PCSK6: variants seen among roughly 807,000 people sequenced by gnomAD.
The protein encoded by PCSK6 is proprotein convertase subtilisin/kexin type 6.
PCSK6 carries 85 observed loss-of-function variants against 123.3 expected under a neutral mutation model. The observed-to-expected ratio is 0.69, with a 90% confidence interval of 0.58 to 0.83. The LOEUF is 0.83. Among genes scored for constraint, PCSK6 ranks in the 40% least tolerant of loss-of-function variants. The pLI, the probability that PCSK6 is intolerant of heterozygous loss-of-function variation, is 0.00. For synonymous variants in PCSK6, 508 were observed against 516.0 expected (o/e 0.98, Z 0.21); for missense variants, 1,191 against 1,282.3 (o/e 0.93, Z 1.09).
intron 1 of PCSK6, among the ~76,000 whole-genome samples, chr15:101,449,145 G>A (rs2056968276): frequency 6.6e-6 from 1 of 152,142 alleles, no homozygotes; most frequent in Admixed American, 6.5e-5. Flanking sequence ...AGATGCTCAA[G>A]TCCCTGATAT....
At chr15:101,381,242 TA>T (rs1288808660) in intron 11 of PCSK6, among the ~76,000 whole-genome samples, 1 of 152,048 alleles carries the variant, frequency 6.6e-6, no homozygotes, top group African/African-American at 2.4e-5. Context: ...TGGGTGCCTA[TA>T]ATCCCAGCTA....
chr15:101,449,875 C>G (rs1393539461), intron 1 of PCSK6, among the ~76,000 whole-genome samples: 1 of 152,138 alleles, frequency 6.6e-6, no homozygotes, highest in Non-Finnish European at 1.5e-5. Flanking sequence ...GAGCCTCTCC[C>G]GCCTAAGGGG....
At chr15:101,429,866 G>T in intron 5 of PCSK6, 121 bp downstream of exon 5, 2 of 805,872 alleles carry the variant, frequency 2.5e-6, no homozygotes, top group Non-Finnish European at 4.1e-6. Context: ...AGCCTGCCTC[G>T]CGCCCAGGCA....
chr15:101,461,528 C>G lies in PCSK6; in HGVS notation c.298-17868G>C, dbSNP rs539640517. ...AGAATACTTTAATCCTAAAAACAGA[C>G]AAGAACAGTATAAGAAAGGGAAACT... On this transcript the variant is annotated intron_variant, in intron 1 of 21. Coordinates refer to ENST00000611716, the MANE Select transcript of PCSK6 (RefSeq NM_002570.5). Among the ~76,000 whole-genome samples, 3 of 152,190 alleles carry G rather than the reference C, an allele frequency of 2.0e-5. No individual in the cohort carries two copies. In the South Asian group the frequency reaches 6.2e-4, roughly 32 times the overall value.
intron 1 of PCSK6, among the ~76,000 whole-genome samples, chr15:101,466,798 C>A (rs937291478): frequency 6.6e-6 from 1 of 152,054 alleles, no homozygotes; most frequent in Admixed American, 6.5e-5. Flanking sequence ...CCAGAATAGG[C>A]AAATCTAGAG....
chr15:101,468,102 G>A (rs1331019930), intron 1 of PCSK6, among the ~76,000 whole-genome samples: 1 of 152,218 alleles, frequency 6.6e-6, no homozygotes, highest in Non-Finnish European at 1.5e-5. Flanking sequence ...TGTGGTGTCA[G>A]CTCTGGCTCT....
intron 11 of PCSK6, among the ~76,000 whole-genome samples, chr15:101,371,885 T>C (rs1168799237): frequency 3.3e-5 from 5 of 152,200 alleles, no homozygotes; most frequent in Admixed American, 2.6e-4. Flanking sequence ...TTTCCTGCCC[T>C]GTCATGGAAA....
At chr15:101,384,958 C>T (rs2042017314) in intron 9 of PCSK6, among the ~76,000 whole-genome samples, 1 of 152,174 alleles carries the variant, frequency 6.6e-6, no homozygotes, top group Non-Finnish European at 1.5e-5. Context: ...ATACAACATG[C>T]CACTAATGTA....
At chr15:101,322,715 TCC>T in intron 17 of PCSK6, 108 bp from the exon 18 acceptor site, 1 of 698,198 alleles carries the variant, frequency 1.4e-6, no homozygotes, top group Middle Eastern at 2.4e-4. Flanking sequence ...GGTGGGCTGT[TCC>T]CCGAGTCCAC....
rs2056978275 is a variant in PCSK6, at chr15:101,449,491, CTCT to C, written c.298-5834_298-5832del. ...TTATGTAAGGTTCATAAACAAATGA[CTCT>C]GAAACATACCAGGTAGGTCCTTGGT... On this transcript the variant is annotated intron_variant, in intron 1 of 21. Transcript: ENST00000611716. Among the ~76,000 whole-genome samples the C allele has an allele frequency of 2.0e-5, 3 of 152,162 alleles. No individual in the cohort carries two copies. In the South Asian group the frequency reaches 6.2e-4, roughly 32 times the overall value.
chr15:101,485,577 G>A (rs575685930), intron 1 of PCSK6, among the ~76,000 whole-genome samples: 1 of 152,286 alleles, frequency 6.6e-6, no homozygotes, highest in Admixed American at 6.5e-5. Context: ...GTTGTGTAAT[G>A]TGAGGATCTA....
intron 13 of PCSK6, chr15:101,347,140 G>A: frequency 8.1e-7 from 1 of 1,231,810 alleles, no homozygotes; most frequent in South Asian, 4.1e-5. Context: ...TTCCAGAAAT[G>A]AGAGTTTAGT....
rs569535003 is a variant in PCSK6 at position 101,348,210 on chromosome 15, C to T, written c.1859-16179G>A. On this transcript the variant is annotated intron_variant, in intron 13 of 21. Coordinates refer to ENST00000611716, the MANE Select transcript of PCSK6 (RefSeq NM_002570.5). ...CTCCGCTGCTCCTCCCCGGTGGGAA[C>T]GTCAGCAGCCATTCCAACGCCCAGG... Among the ~76,000 whole-genome samples, 10 of 152,298 alleles carry T rather than the reference C, an allele frequency of 6.6e-5. 1 individual carries two copies. The South Asian group carries it at 1.7e-3, about 25-fold the overall frequency.
At chr15:101,366,146 A>G (rs750186694) in intron 13 of PCSK6, 50 bp downstream of exon 13, 11 of 1,565,402 alleles carry the variant, frequency 7.0e-6, no homozygotes, top group Non-Finnish European at 7.8e-6. Context: ...CAGAGGTAAA[A>G]AGAGGCTTGA....
intron 1 of PCSK6, among the ~76,000 whole-genome samples, chr15:101,457,492 T>C (rs745896750): frequency 4.6e-5 from 7 of 152,250 alleles, no homozygotes; most frequent in South Asian, 2.1e-4. Context: ...TTTTTCATAG[T>C]ATTTCTTAAA....
chr15:101,488,112 C>G (rs1004898137), intron 1 of PCSK6, among the ~76,000 whole-genome samples: 1 of 152,158 alleles, frequency 6.6e-6, no homozygotes, highest in African/African-American at 2.4e-5. Context: ...GGATGCAGAA[C>G]TAATGTCATT....
intron 9 of PCSK6, 66 bp downstream of exon 9, chr15:101,389,398 T>A (rs1031671595): frequency 3.9e-6 from 5 of 1,281,016 alleles, no homozygotes; most frequent in Non-Finnish European, 5.7e-6. Flanking sequence ...AAATGGCCAA[T>A]GTCATGTGTA....
At chr15:101,474,266 A>G (rs139435595) in intron 1 of PCSK6, among the ~76,000 whole-genome samples, 146 of 152,334 alleles carry the variant, frequency 9.6e-4, no homozygotes, top group African/African-American at 3.4e-3. Context: ...CCATGTTAAA[A>G]TCTGTCCTCA....
chr15:101,435,414 T>C (rs1390898590), intron 2 of PCSK6, among the ~76,000 whole-genome samples: 3 of 152,288 alleles, frequency 2.0e-5, no homozygotes, highest in African/African-American at 7.2e-5. Flanking sequence ...CAACTATAAG[T>C]GATTTGGGGC....
Sources: gnomAD v4.1 joint callset for allele counts (sites outside exome capture counted in the v4.1 genomes callset) on GRCh38, gnomAD v4.1.1 for gene constraint, MANE v1.5 for transcripts, NCBI Gene and HGNC (gene_info 2026-07-23, HGNC 2026-07-21) for gene names.